WDR49: variants seen among roughly 807,000 people sequenced by gnomAD.
The protein encoded by WDR49 is WD repeat domain 49, also known as cilia- and flagella-associated protein 337.
A neutral mutation model predicts 119.5 loss-of-function variants in WDR49; 107 were observed. The ratio of observed to expected loss-of-function variants is 0.90; its 90% CI spans 0.77 to 1.05. The LOEUF is 1.05. WDR49 is among the 50% of genes least tolerant of loss of function. The pLI is 0.00. For synonymous variants in WDR49, 425 were observed against 418.8 expected (o/e 1.01, Z -0.18); for missense variants, 1,240 against 1,220.5 (o/e 1.02, Z -0.24).
At chr3:167,588,629 C>A (rs1410731112) in intron 7 of WDR49, among the ~76,000 whole-genome samples, 1 of 152,128 alleles carries the variant, frequency 6.6e-6, no homozygotes, top group East Asian at 1.9e-4. Context: ...CCATTTTTAA[C>A]TGGGGTAACA....
intron 4 of WDR49, among the ~76,000 whole-genome samples, chr3:167,620,860 T>C (rs907454206): frequency 7.2e-5 from 11 of 152,156 alleles, no homozygotes; most frequent in Non-Finnish European, 1.3e-4. Context: ...CTTTCACAAT[T>C]ACAAAAGGAA....
At chr3:167,479,130 G>C in intron 18 of WDR49, 134 bp from the exon 19 acceptor site, 1 of 671,552 alleles carries the variant, frequency 1.5e-6, no homozygotes, top group Non-Finnish European at 2.4e-6. Flanking sequence ...AGTGTATTTG[G>C]AAAAATTTTC....
intron 2 of WDR49, chr3:167,633,392 G>C (rs1265792143): frequency 2.2e-6 from 1 of 454,184 alleles, no homozygotes; most frequent in Non-Finnish European, 4.4e-6. Flanking sequence ...AGTGAGCCTG[G>C]TGAAAGTAAA....
intron 18 of WDR49, among the ~76,000 whole-genome samples, chr3:167,495,992 C>CATGTAA (rs1751341745): frequency 6.8e-6 from 1 of 147,444 alleles, no homozygotes; most frequent in Non-Finnish European, 1.5e-5. Flanking sequence ...ATTTTTCAGA[C>CATGTAA]ATGTAAAAGC....
intron 2 of WDR49, among the ~76,000 whole-genome samples, chr3:167,641,119 T>G (rs540944280): frequency 2.9e-4 from 44 of 152,014 alleles, no homozygotes; most frequent in African/African-American, 1.0e-3. Context: ...GATTTTACAT[T>G]TGCAGAAATT....
chr3:167,523,190 A>G (rs1752514766), intron 15 of WDR49, among the ~76,000 whole-genome samples: 1 of 152,164 alleles, frequency 6.6e-6, no homozygotes, highest in South Asian at 2.1e-4. Flanking sequence ...GCAGAATAAA[A>G]TGCCTACAGA....
At chr3:167,609,558 C>T (rs1012784067) in intron 5 of WDR49, among the ~76,000 whole-genome samples, 1 of 152,194 alleles carries the variant, frequency 6.6e-6, no homozygotes, top group Non-Finnish European at 1.5e-5. Context: ...AACCTCACCA[C>T]TGAGGGCTAC....
At chr3:167,564,447 C>A (rs780450026) in intron 8 of WDR49, among the ~76,000 whole-genome samples, 1 of 152,176 alleles carries the variant, frequency 6.6e-6, no homozygotes, top group Non-Finnish European at 1.5e-5. Context: ...CACTACACGA[C>A]AATGGAACTA....
chr3:167,544,848 C>T (rs1712073423), intron 10 of WDR49, among the ~76,000 whole-genome samples: 1 of 151,824 alleles, frequency 6.6e-6, no homozygotes, highest in African/African-American at 2.4e-5. Flanking sequence ...TAGATGGGAC[C>T]TAATTAAACT....
chr3:167,526,271 T>TA (rs2108236797), intron 15 of WDR49, among the ~76,000 whole-genome samples: 1 of 152,278 alleles, frequency 6.6e-6, no homozygotes, highest in African/African-American at 2.4e-5. Context: ...ATTTCTGAAT[T>TA]AAAATAAAAT....
chr3:167,657,724 G>A (rs1273116152), upstream of WDR49, among the ~76,000 whole-genome samples: 2 of 152,138 alleles, frequency 1.3e-5, no homozygotes, highest in Admixed American at 1.3e-4. Context: ...TTCCGGCCCA[G>A]CCTTCTCAGG....
At chr3:167,561,423 T>C (rs1007923088) in intron 8 of WDR49, among the ~76,000 whole-genome samples, 2 of 152,062 alleles carry the variant, frequency 1.3e-5, no homozygotes, top group African/African-American at 2.4e-5. Context: ...AATGGATCTT[T>C]AAAGAGCATC....
intron 10 of WDR49, among the ~76,000 whole-genome samples, chr3:167,548,680 A>ATTTAT (rs776547190): frequency 2.6e-5 from 4 of 151,836 alleles, no homozygotes; most frequent in African/African-American, 7.2e-5. Context: ...TTGCAATGAT[A>ATTTAT]TTTATTTTAT....
intron 8 of WDR49, among the ~76,000 whole-genome samples, chr3:167,569,639 G>A (rs1220581138): frequency 6.7e-6 from 1 of 149,094 alleles, no homozygotes; most frequent in African/African-American, 2.5e-5. Flanking sequence ...CAAGGCTGCA[G>A]CGAGCCATGA....
chr3:167,630,160 T>G (rs534332318), intron 2 of WDR49, among the ~76,000 whole-genome samples: 49 of 152,238 alleles, frequency 3.2e-4, no homozygotes, highest in East Asian at 1.4e-3. Context: ...GAAACTTCAC[T>G]GTTATCTTCT....
chr3:167,538,857 T>C (rs1237639556), intron 10 of WDR49, among the ~76,000 whole-genome samples: 1 of 152,148 alleles, frequency 6.6e-6, no homozygotes, highest in Non-Finnish European at 1.5e-5. Flanking sequence ...GAAAACAACA[T>C]GATAAAAGAT....
In WDR49 at chr3:167,585,811, C is replaced by T. The variant is rs147490648; in HGVS notation, c.1276-9660G>A. ...TATAGCAAAACAATATAAGAAGATACACGTCTAGGGTTGATGATAGTTATT... is the reference window on the plus strand; with the variant it reads ...TATAGCAAAACAATATAAGAAGATATACGTCTAGGGTTGATGATAGTTATT... On this transcript the variant is annotated intron_variant, in intron 7 of 18. Coordinates refer to ENST00000682715, the MANE Select transcript of WDR49 (RefSeq NM_001366157.1). Among the ~76,000 whole-genome samples the T allele has an allele frequency of 1.3e-3, 192 of 151,844 alleles. 1 individual carries two copies. Among genetic ancestry groups the T allele is most frequent in the African/African-American group, 4.4e-3 (182 of 41,434 alleles).
At chr3:167,602,558 C>T (rs1312380522) in intron 6 of WDR49, among the ~76,000 whole-genome samples, 1 of 152,076 alleles carries the variant, frequency 6.6e-6, no homozygotes, top group African/African-American at 2.4e-5. Context: ...TAAAAACCAA[C>T]CAACAGCCTA....
chr3:167,656,169 A>G (rs904945134), upstream of WDR49, among the ~76,000 whole-genome samples: 25 of 152,206 alleles, frequency 1.6e-4, no homozygotes, highest in African/African-American at 6.0e-4. Context: ...TCACACACAC[A>G]GAACGGGGGT....
Sources: allele counts gnomAD v4.1 joint callset (sites outside exome capture counted in the v4.1 genomes callset), GRCh38; gene constraint gnomAD v4.1.1; transcripts MANE v1.5; gene names NCBI Gene and HGNC (gene_info 2026-07-23, HGNC 2026-07-21).